Variants in DPP4 observed in about 807,000 individuals in gnomAD.
DPP4 encodes ADCP-2.
Under a neutral mutation model 122.4 loss-of-function variants are expected in DPP4, and 93 were observed. That is an observed-to-expected ratio of 0.76 (90% CI 0.64 to 0.90). The LOEUF is 0.90. Among genes scored for constraint, DPP4 ranks in the 40% least tolerant of loss-of-function variants. DPP4 has a pLI of 0.00. For missense variants in DPP4, 914 were observed against 907.3 expected (o/e 1.01, Z -0.09); for synonymous variants, 321 against 302.9 (o/e 1.06, Z -0.62).
chr2:162,018,056 C>G (rs1485063411), intron 16 of DPP4, among the ~76,000 whole-genome samples: 1 of 151,988 alleles, frequency 6.6e-6, no homozygotes, highest in East Asian at 1.9e-4. Context: ...AAAAGTCAGT[C>G]ATAGTAAAGA....
chr2:162,007,246 T>A (rs1701304138), intron 22 of DPP4, among the ~76,000 whole-genome samples: 7 of 152,108 alleles, frequency 4.6e-5, no homozygotes, highest in African/African-American at 1.7e-4. Context: ...TCTTAGGTTG[T>A]ACGTTAGATG....
chr2:162,032,052 A>T (rs1357430324), intron 10 of DPP4: 1 of 152,232 alleles, frequency 6.6e-6, no homozygotes, highest in Admixed American at 6.5e-5. Context: ...CACAGCCCAC[A>T]GCCTTCCTGA....
At chr2:162,036,299 G>A (rs527795674) in intron 8 of DPP4, among the ~76,000 whole-genome samples, 19 of 152,190 alleles carry the variant, frequency 1.2e-4, no homozygotes, top group Non-Finnish European at 2.4e-4. Flanking sequence ...ACTTCCAAAT[G>A]CTTTTTTTCA....
chr2:162,059,209 C>A (rs1684676970), intron 2 of DPP4, among the ~76,000 whole-genome samples: 1 of 152,168 alleles, frequency 6.6e-6, no homozygotes. Flanking sequence ...CAGCACTAAG[C>A]AAGGTGGCAG....
At chr2:162,030,224 C>A (rs1683494526) in intron 10 of DPP4, among the ~76,000 whole-genome samples, 1 of 152,210 alleles carries the variant, frequency 6.6e-6, no homozygotes, top group Non-Finnish European at 1.5e-5. Flanking sequence ...AAAATAGCAT[C>A]ATAACAAATC....
intron 23 of DPP4, among the ~76,000 whole-genome samples, chr2:162,005,247 AGG>A (rs2106081102): frequency 6.6e-6 from 1 of 152,320 alleles, no homozygotes; most frequent in Admixed American, 6.5e-5. Context: ...ATTTAGGTTT[AGG>A]GCTTTTTAAG....
intron 2 of DPP4, among the ~76,000 whole-genome samples, chr2:162,052,523 C>T (rs1684419423): frequency 6.6e-6 from 1 of 152,100 alleles, no homozygotes; most frequent in Admixed American, 6.6e-5. Context: ...AAATACATTT[C>T]TGTTCTTTAA....
chr2:162,035,342 T>G lies in DPP4; in HGVS notation c.614-18A>C, dbSNP rs755212822. On this transcript the variant is annotated intron_variant, in intron 8 of 25. Coordinates refer to ENST00000360534, the MANE Select transcript of DPP4 (RefSeq NM_001935.4). ...GACTTCCTCTGAAAAAAGACACAAATTGTTCTGTTACAAGAAGTAGCTGAT... is the reference window on the plus strand; with the variant it reads ...GACTTCCTCTGAAAAAAGACACAAAGTGTTCTGTTACAAGAAGTAGCTGAT... 1.2e-6 allele frequency: 2 copies of G among 1,609,000 alleles called. No homozygotes were observed. Among genetic ancestry groups the G allele is most frequent in the Admixed American group, 3.4e-5 (2 of 58,938 alleles).
At chr2:162,009,140 G>A (rs2106086175) in intron 21 of DPP4, 101 bp downstream of exon 21, 1 of 1,233,544 alleles carries the variant, frequency 8.1e-7, no homozygotes, top group East Asian at 2.4e-5. Flanking sequence ...CTTGATAGAT[G>A]TGATTTTCAC....
chr2:162,014,637 T>C (rs954990970), intron 18 of DPP4, among the ~76,000 whole-genome samples, 172 bp from the exon 19 acceptor site: 1 of 152,204 alleles, frequency 6.6e-6, no homozygotes, highest in African/African-American at 2.4e-5. Flanking sequence ...TATAACATTT[T>C]CTTTCAGGTT....
chr2:162,018,967 CTTT>C (rs35605823), intron 15 of DPP4, 117 bp from the exon 16 acceptor site: 22 of 1,064,490 alleles, frequency 2.1e-5, no homozygotes, highest in Admixed American at 6.1e-5. Flanking sequence ...ATCTTTAGGA[CTTT>C]TTTTTTTTTA....
Position 162,020,222 on chromosome 2 carries a change from T to C in DPP4, c.1244+7A>G. 6.2e-7 allele frequency: 1 copy of C among 1,607,590 alleles called. No individual in the cohort carries two copies. The highest frequency in any genetic ancestry group is 8.5e-7 in the Non-Finnish European group (1 of 1,177,606). The stretch of plus-strand genomic sequence containing the variant: ...GTTTATATCCTATCAATTGTTACAA[T>C]ACTCACAGATAATCACTGGTTAGAG... On this transcript the variant is annotated splice_region_variant and intron_variant, in intron 14 of 25. Transcript: ENST00000360534.
In DPP4 at chr2:162,057,875, C is replaced by T. The variant is rs117407192; in HGVS notation, c.95-10374G>A. Among the ~76,000 whole-genome samples the T allele has an allele frequency of 8.5e-3, 1,297 of 152,228 alleles. 34 individuals carry two copies. In the East Asian group the frequency reaches 0.093, roughly 11 times the overall value. On this transcript the variant is annotated intron_variant, in intron 2 of 25. Transcript: ENST00000360534. Reference sequence around the variant, plus strand: ...GCAACCACTGCCTTCCAGGTTCAAGCGATTTTTCTGTCTCATCCTCCCAAG... The same window carrying T: ...GCAACCACTGCCTTCCAGGTTCAAGTGATTTTTCTGTCTCATCCTCCCAAG...
intron 14 of DPP4, among the ~76,000 whole-genome samples, chr2:162,019,894 C>T (rs1243664265): frequency 6.6e-6 from 1 of 152,144 alleles, no homozygotes; most frequent in South Asian, 2.1e-4. Context: ...AATTGCCTTT[C>T]CAAGCCTTCC....
At chr2:162,003,993 T>G (rs1406397213) in intron 23 of DPP4, among the ~76,000 whole-genome samples, 3 of 151,896 alleles carry the variant, frequency 2.0e-5, no homozygotes, top group African/African-American at 7.3e-5. Flanking sequence ...CTGAGAGGGC[T>G]GTGTAAGTTT....
chr2:162,025,135 G>A (rs542954500), intron 10 of DPP4, among the ~76,000 whole-genome samples, 196 bp from the exon 11 acceptor site: 22 of 152,256 alleles, frequency 1.4e-4, no homozygotes, highest in African/African-American at 5.1e-4. Context: ...AATTTGGAAT[G>A]AAAATTAAAA....
chr2:162,017,425 G>A (rs771616427), intron 16 of DPP4: 10 of 431,538 alleles, frequency 2.3e-5, no homozygotes, highest in African/African-American at 4.1e-5. Context: ...TGGGCACCTT[G>A]GGCACATTAT....
intron 4 of DPP4, chr2:162,046,562 G>A: frequency 2.8e-6 from 1 of 358,974 alleles, no homozygotes; most frequent in East Asian, 7.1e-5. Flanking sequence ...CTGGGAGAAG[G>A]TTAGCGTTAA....
intron 23 of DPP4, among the ~76,000 whole-genome samples, chr2:161,998,930 C>A (rs571811018): frequency 2.6e-5 from 4 of 152,224 alleles, no homozygotes; most frequent in Middle Eastern, 3.4e-3. Context: ...TTTAATGCAG[C>A]AAGAGAAAAA....
Sources: allele counts gnomAD v4.1 joint callset (sites outside exome capture counted in the v4.1 genomes callset), GRCh38; gene constraint gnomAD v4.1.1; transcripts MANE v1.5; gene names NCBI Gene and HGNC (gene_info 2026-07-23, HGNC 2026-07-21).